The following TOMM34 variants were observed in gnomAD, a reference collection of about 807,000 sequenced individuals.
TOMM34 encodes mitochondrial import receptor subunit TOM34.
In TOMM34, 24 loss-of-function variants were observed where a neutral mutation model predicts 37.4. The observed-to-expected ratio is 0.64, with a 90% confidence interval of 0.46 to 0.90. TOMM34 has a LOEUF of 0.90. TOMM34 is among the 40% of genes least tolerant of loss of function. The pLI is 0.00. For missense variants in TOMM34, 304 were observed against 375.6 expected, an observed-to-expected ratio of 0.81 and a Z score of 1.58; for synonymous variants, 154 against 148.9, an observed-to-expected ratio of 1.03 and a Z score of -0.25.
chr20:44,953,712 G>A lies in TOMM34; in HGVS notation c.380+1356C>T, dbSNP rs1338327630. ...TCTATTCCTCCCTTCTCGATACCCC[G>A]CAACCACTAAAGCTTGTTGATATAC... is the stretch of plus-strand genomic sequence containing the variant. On this transcript the variant is annotated intron_variant, in intron 3 of 6. Transcript: ENST00000372813. 4.6e-5 allele frequency among the ~76,000 whole-genome samples: 7 copies of A among 151,974 alleles called. No homozygotes were observed. In the East Asian group the frequency reaches 1.3e-3, roughly 29 times the overall value.
chr20:44,943,860 C>T (rs1321150787), intron 5 of TOMM34, among the ~76,000 whole-genome samples: 1 of 152,120 alleles, frequency 6.6e-6, no homozygotes, highest in Non-Finnish European at 1.5e-5. Flanking sequence ...ATCCTGATCT[C>T]ATCTAGTTCT....
In TOMM34 at chr20:44,948,126, C is replaced by T. The variant is rs1216529536; in HGVS notation, c.698+604G>A. On this transcript the variant is annotated intron_variant, in intron 5 of 6. Coordinates refer to ENST00000372813, the MANE Select transcript of TOMM34 (RefSeq NM_006809.5). The stretch of plus-strand genomic sequence containing the variant: ...TCTAAACACTAAAACAGAAAGACCA[C>T]CTATACGAGCATTGTTGGAGAACAA... 2.6e-5 allele frequency among the ~76,000 whole-genome samples: 4 copies of T among 152,166 alleles called. No homozygotes were observed. The East Asian group carries it at 7.7e-4, about 29-fold the overall frequency.
Position 44,943,059 on chromosome 20 carries a change from G to A in TOMM34, c.*50C>T. The stretch of plus-strand genomic sequence containing the variant: ...AGCGGGCACAGAGCAGGTGGCCCAT[G>A]GCTTCTCTGGGTAAGGTCAGGCAGG... On this transcript the variant is annotated 3_prime_UTR_variant, in exon 7 of 7. Transcript: ENST00000372813. The A allele has an allele frequency of 6.3e-7, 1 of 1,592,534 alleles. No homozygotes were observed. The highest frequency in any genetic ancestry group is 8.6e-7 in the Non-Finnish European group (1 of 1,161,544).
chr20:44,952,496 T>C, intron 3 of TOMM34: 1 of 678,976 alleles, frequency 1.5e-6, no homozygotes, highest in Non-Finnish European at 2.7e-6. Flanking sequence ...CACCCCTTCC[T>C]GTCCCCCTTC....
At chr20:44,956,538 G>C in intron 1 of TOMM34, 53 bp from the exon 2 acceptor site, 1 of 1,557,350 alleles carries the variant, frequency 6.4e-7, no homozygotes, top group Non-Finnish European at 8.8e-7. Context: ...GTGCCTCAGG[G>C]CATTAGGATA....
intron 1 of TOMM34, chr20:44,958,327 GT>G (rs749597649): frequency 2.1e-6 from 1 of 470,466 alleles, no homozygotes; most frequent in South Asian, 1.6e-5. Flanking sequence ...TTCCCCTCTT[GT>G]TTTGCCAGGC....
At chr20:44,957,018 T>G (rs1315643713) in intron 1 of TOMM34, among the ~76,000 whole-genome samples, 2 of 151,958 alleles carry the variant, frequency 1.3e-5, no homozygotes. Flanking sequence ...AGGGAGGACT[T>G]TGTCAGGGAA....
intron 4 of TOMM34, among the ~76,000 whole-genome samples, chr20:44,950,564 G>A (rs1322499016): frequency 1.3e-5 from 2 of 152,152 alleles, no homozygotes; most frequent in Non-Finnish European, 2.9e-5. Flanking sequence ...TGAAATCAAT[G>A]GTAGGTGCAC....
chr20:44,943,883 T>G (rs1004766885), intron 5 of TOMM34, among the ~76,000 whole-genome samples: 1 of 152,186 alleles, frequency 6.6e-6, no homozygotes, highest in African/African-American at 2.4e-5. Context: ...CATGCTGTAC[T>G]GCGCTCTCCT....
chr20:44,955,952 T>A (rs1322293261), intron 2 of TOMM34, among the ~76,000 whole-genome samples: 2 of 152,218 alleles, frequency 1.3e-5, no homozygotes, highest in Non-Finnish European at 2.9e-5. Flanking sequence ...CTAAAACTGG[T>A]CATTCATGAA....
In TOMM34 at chr20:44,943,587, G is replaced by C. The variant is rs1275976259; in HGVS notation, c.699-8C>G. Reference sequence around the variant, plus strand: ...ACCAAATAGCAGAGTGCTCTGAAGGGAAAGACCATTTCAGAGGTTTCAGTC... The same window carrying C: ...ACCAAATAGCAGAGTGCTCTGAAGGCAAAGACCATTTCAGAGGTTTCAGTC... On this transcript the variant is annotated splice_polypyrimidine_tract_variant and splice_region_variant and intron_variant, in intron 5 of 6. Transcript: ENST00000372813. The C allele has an allele frequency of 6.2e-7, 1 of 1,614,102 alleles. No homozygotes were observed. The highest frequency in any genetic ancestry group is 1.1e-5 in the South Asian group (1 of 91,064).
At chr20:44,952,939 T>G (rs986017704) in intron 3 of TOMM34, among the ~76,000 whole-genome samples, 36 of 152,154 alleles carry the variant, frequency 2.4e-4, no homozygotes, top group Non-Finnish European at 8.8e-5. Context: ...TCCCCTTTTT[T>G]AGAGCAAACT....
chr20:44,945,354 T>C (rs537810196), intron 5 of TOMM34, among the ~76,000 whole-genome samples: 1 of 151,896 alleles, frequency 6.6e-6, no homozygotes, highest in East Asian at 1.9e-4. Context: ...GAGGCGGAGG[T>C]GTATCTGCTC....
intron 5 of TOMM34, among the ~76,000 whole-genome samples, chr20:44,946,583 G>T (rs1448558262): frequency 6.6e-6 from 1 of 152,226 alleles, no homozygotes; most frequent in Admixed American, 6.5e-5. Flanking sequence ...AAGAACTGTT[G>T]TGAGTACAAG....
chr20:44,945,278 G>A (rs1337195103), intron 5 of TOMM34, among the ~76,000 whole-genome samples: 3 of 152,072 alleles, frequency 2.0e-5, no homozygotes, highest in African/African-American at 4.8e-5. Context: ...ATAAATTAAC[G>A]GAGAGAAAAA....
intron 4 of TOMM34, among the ~76,000 whole-genome samples, chr20:44,951,542 C>T (rs1044290456): frequency 2.0e-5 from 3 of 152,162 alleles, no homozygotes; most frequent in Admixed American, 6.5e-5. Context: ...ATCCCAAGTG[C>T]TACCAGAGGA....
At chr20:44,958,112 A>C (rs2067090739) in intron 1 of TOMM34, among the ~76,000 whole-genome samples, 2 of 102,074 alleles carry the variant, frequency 2.0e-5, no homozygotes. Context: ...ATATGTATAC[A>C]TGTACATGTA....
At chr20:44,943,881 A>C (rs972667702) in intron 5 of TOMM34, among the ~76,000 whole-genome samples, 2 of 152,130 alleles carry the variant, frequency 1.3e-5, no homozygotes, top group Non-Finnish European at 2.9e-5. Context: ...ATCATGCTGT[A>C]CTGCGCTCTC....
chr20:44,954,301 G>C (rs1272674710), intron 3 of TOMM34, among the ~76,000 whole-genome samples: 2 of 152,200 alleles, frequency 1.3e-5, no homozygotes, highest in Non-Finnish European at 2.9e-5. Context: ...TATGACGGCA[G>C]GAAGAGGTAT....
Sources: allele counts gnomAD v4.1 joint callset (sites outside exome capture counted in the v4.1 genomes callset), GRCh38; gene constraint gnomAD v4.1.1; transcripts MANE v1.5; gene names NCBI Gene and HGNC (gene_info 2026-07-23, HGNC 2026-07-21).